The following CNTNAP5 variants were observed in gnomAD, a reference collection of about 807,000 sequenced individuals.
CNTNAP5 encodes contactin associated protein family member 5.
In CNTNAP5, 72 loss-of-function variants were observed where a neutral mutation model predicts 150.2. The ratio of observed to expected loss-of-function variants is 0.48; its 90% CI spans 0.40 to 0.58. CNTNAP5 has a LOEUF of 0.58. Ranked by LOEUF, CNTNAP5 falls within the 20% of genes least tolerant of loss-of-function variation. CNTNAP5 has a pLI of 0.00. For missense variants in CNTNAP5, 1,636 were observed against 1,626.2 expected, an observed-to-expected ratio of 1.01 and a Z score of -0.10; for synonymous variants, 672 against 619.8, an observed-to-expected ratio of 1.08 and a Z score of -1.25.
intron 17 of CNTNAP5, among the ~76,000 whole-genome samples, chr2:124,776,859 T>A (rs1681335175): frequency 6.6e-6 from 1 of 152,218 alleles, no homozygotes; most frequent in Non-Finnish European, 1.5e-5. Context: ...TAATTGTTTT[T>A]TTAACATTAT....
chr2:124,732,199 A>C (rs974462751), intron 13 of CNTNAP5, among the ~76,000 whole-genome samples: 1 of 152,130 alleles, frequency 6.6e-6, no homozygotes. Context: ...GATAGAGACT[A>C]GATAATTTTG....
At chr2:124,469,973 C>A (rs1317778778) in intron 6 of CNTNAP5, among the ~76,000 whole-genome samples, 1 of 152,152 alleles carries the variant, frequency 6.6e-6, no homozygotes, top group East Asian at 1.9e-4. Context: ...TCCGGTCTAT[C>A]ATTGATGGAC....
intron 1 of CNTNAP5, among the ~76,000 whole-genome samples, chr2:124,047,581 G>A (rs1212890877): frequency 6.6e-6 from 1 of 152,198 alleles, no homozygotes; most frequent in Non-Finnish European, 1.5e-5. Context: ...CAAGTAGTAA[G>A]GCTGCAGCCC....
At chr2:124,896,497 C>T (rs1384046936) in intron 21 of CNTNAP5, among the ~76,000 whole-genome samples, 1 of 151,202 alleles carries the variant, frequency 6.6e-6, no homozygotes, top group African/African-American at 2.5e-5. Context: ...CAAAGGCAGC[C>T]TAATAGAATT....
chr2:124,055,474 G>A (rs1573721465), intron 1 of CNTNAP5, among the ~76,000 whole-genome samples: 1 of 151,994 alleles, frequency 6.6e-6, no homozygotes, highest in African/African-American at 2.4e-5. Flanking sequence ...CCTATATCCT[G>A]TTCAACTTTC....
intron 8 of CNTNAP5, among the ~76,000 whole-genome samples, chr2:124,522,003 G>A (rs1694857046): frequency 2.6e-5 from 4 of 152,158 alleles, no homozygotes; most frequent in Admixed American, 2.6e-4. Flanking sequence ...AGATGTTCAG[G>A]ATTGCAGTGA....
intron 16 of CNTNAP5, among the ~76,000 whole-genome samples, chr2:124,768,755 C>T (rs1681123098): frequency 6.6e-6 from 1 of 152,058 alleles, no homozygotes; most frequent in Non-Finnish European, 1.5e-5. Context: ...TTGCACCAGT[C>T]CACAGGATTG....
intron 13 of CNTNAP5, among the ~76,000 whole-genome samples, chr2:124,674,140 CA>C (rs1678879380): frequency 6.6e-6 from 1 of 152,078 alleles, no homozygotes; most frequent in African/African-American, 2.4e-5. Context: ...AAAGGTTTAT[CA>C]AATGTTTTGA....
intron 11 of CNTNAP5, among the ~76,000 whole-genome samples, 176 bp from the exon 12 acceptor site, chr2:124,609,625 C>G (rs983871263): frequency 4.6e-5 from 7 of 151,892 alleles, no homozygotes; most frequent in African/African-American, 1.7e-4. Flanking sequence ...ATCTGAATGT[C>G]AAACATCAGT....
intron 3 of CNTNAP5, among the ~76,000 whole-genome samples, chr2:124,309,319 A>G (rs1305210500): frequency 4.6e-5 from 7 of 152,196 alleles, no homozygotes; most frequent in Non-Finnish European, 1.0e-4. Context: ...ACCATTGTAC[A>G]GATTAAATGT....
At chr2:124,211,586 C>T (rs1686013471) in intron 1 of CNTNAP5, among the ~76,000 whole-genome samples, 2 of 152,098 alleles carry the variant, frequency 1.3e-5, no homozygotes, top group African/African-American at 4.8e-5. Context: ...CTCCTTCTGT[C>T]TCTGGGCTGC....
chr2:124,052,205 G>C (rs983646752), intron 1 of CNTNAP5, among the ~76,000 whole-genome samples: 1 of 152,184 alleles, frequency 6.6e-6, no homozygotes, highest in Non-Finnish European at 1.5e-5. Flanking sequence ...CTGGAAGACA[G>C]TGATATGATC....
At chr2:124,240,130 A>T (rs2104764214) in intron 2 of CNTNAP5, among the ~76,000 whole-genome samples, 1 of 152,318 alleles carries the variant, frequency 6.6e-6, no homozygotes, top group South Asian at 2.1e-4. Context: ...AATGCTATTT[A>T]CTTAAAAGGA....
chr2:124,780,432 C>T (rs1681426635), intron 17 of CNTNAP5, among the ~76,000 whole-genome samples: 1 of 152,190 alleles, frequency 6.6e-6, no homozygotes, highest in East Asian at 1.9e-4. Context: ...ACAGAAATGT[C>T]TCCACACACT....
At chr2:124,268,411 G>A (rs1212337294) in intron 3 of CNTNAP5, among the ~76,000 whole-genome samples, 1 of 152,090 alleles carries the variant, frequency 6.6e-6, no homozygotes, top group Non-Finnish European at 1.5e-5. Context: ...TTTTACAGAT[G>A]GAAGGATCGT....
rs1265414749 is a variant in CNTNAP5 at position 124,763,689 on chromosome 2, T to C, written c.2252T>C (p.Phe751Ser). The C allele has an allele frequency of 9.9e-6, 16 of 1,612,470 alleles. No individual in the cohort carries two copies. Among genetic ancestry groups the C allele is most frequent in the Non-Finnish European group, 1.4e-5 (16 of 1,179,162 alleles). The change falls in exon 15 of 24, where the codon TTT (phenylalanine) becomes TCT (serine). Residue 751 changes from phenylalanine to serine, a missense_variant. By Grantham distance (155) the Phe-to-Ser change is radical. Transcript: ENST00000682447. ...DKDEWTNDTG[F>S]LSFKDHLPVT... is the part of the protein sequence containing the mutation. ...TTTTGCAGGACAAATGATACTGGCTTTCTTTCCTTCAAAGACCACTTGCCT... is the reference window on the plus strand; with the variant it reads ...TTTTGCAGGACAAATGATACTGGCTCTCTTTCCTTCAAAGACCACTTGCCT...
At chr2:124,848,339 G>A (rs947504523) in intron 19 of CNTNAP5, among the ~76,000 whole-genome samples, 1 of 152,140 alleles carries the variant, frequency 6.6e-6, no homozygotes, top group South Asian at 2.1e-4. Flanking sequence ...CCATGTTATT[G>A]AGAATTAAAG....
intron 3 of CNTNAP5, among the ~76,000 whole-genome samples, chr2:124,389,188 C>A (rs899722722): frequency 2.6e-5 from 4 of 151,910 alleles, no homozygotes; most frequent in Admixed American, 6.6e-5. Flanking sequence ...ATAAGAAGTG[C>A]AAATAGAGAG....
chr2:124,360,953 A>T (rs1690180492), intron 3 of CNTNAP5, among the ~76,000 whole-genome samples: 1 of 143,418 alleles, frequency 7.0e-6, no homozygotes, highest in Non-Finnish European at 1.5e-5. Flanking sequence ...CACCAATCAG[A>T]TGTAGATTTG....
Sources: allele counts gnomAD v4.1 joint callset (sites outside exome capture counted in the v4.1 genomes callset), GRCh38; gene constraint gnomAD v4.1.1; transcripts MANE v1.5; gene names NCBI Gene and HGNC (gene_info 2026-07-23, HGNC 2026-07-21).